The following DNAH9 variants were observed in gnomAD, a reference collection of about 807,000 sequenced individuals.
DNAH9 encodes dynein axonemal heavy chain 9, also known as DNAH9 variant protein.
DNAH9 carries 345 observed loss-of-function variants against 471.6 expected under a neutral mutation model. That is an observed-to-expected ratio of 0.73 (90% CI 0.67 to 0.80). The LOEUF is 0.80. Among genes scored for constraint, DNAH9 ranks in the 30% least tolerant of loss-of-function variants. The pLI, the probability that DNAH9 is intolerant of heterozygous loss-of-function variation, is 0.00. For missense variants in DNAH9, 5,407 were observed against 5,609.2 expected, an observed-to-expected ratio of 0.96 and a Z score of 1.15; for synonymous variants, 2,093 against 2,123.6, an observed-to-expected ratio of 0.99 and a Z score of 0.40.
chr17:11,826,457 T>A (rs1452587214), intron 48 of DNAH9, among the ~76,000 whole-genome samples: 3 of 16,908 alleles, frequency 1.8e-4, no homozygotes, highest in African/African-American at 9.4e-4. Flanking sequence ...TTTTCTTGGT[T>A]TTTTTTTTTT....
intron 53 of DNAH9, chr17:11,875,651 C>T (rs1972447701): frequency 6.4e-6 from 1 of 156,552 alleles, no homozygotes; most frequent in African/African-American, 2.4e-5. Context: ...TTCAGTAGGT[C>T]CCATGAAGCA....
Position 11,923,899 on chromosome 17 carries a change from G to A in DNAH9, c.11835G>A (p.Ala3945=), listed in dbSNP as rs144422539. Reference sequence around the variant, plus strand: ...GACAGGAAGTGGTGGCTGAGGCTGCGCTGGACCTCGCTGCCAAGAAAGGTC... The same window carrying A: ...GACAGGAAGTGGTGGCTGAGGCTGCACTGGACCTCGCTGCCAAGAAAGGTC... ...GQGQEVVAEA[A]LDLAAKKGHW... The change falls in exon 62 of 69, where the codon GCG becomes GCA. Residue 3945 remains alanine (A), a synonymous_variant. Transcript: ENST00000262442. The A allele has an allele frequency of 4.6e-4, 737 of 1,613,984 alleles. No individual in the cohort carries two copies. The highest frequency in any genetic ancestry group is 5.5e-4 in the Non-Finnish European group (651 of 1,179,952).
chr17:11,921,801 T>C (rs1309696763), intron 61 of DNAH9, among the ~76,000 whole-genome samples: 1 of 152,194 alleles, frequency 6.6e-6, no homozygotes. Context: ...CAAGCCCAGA[T>C]TAATGCAGAC....
chr17:11,825,764 T>A (rs894667770), intron 48 of DNAH9, among the ~76,000 whole-genome samples: 1 of 152,174 alleles, frequency 6.6e-6, no homozygotes, highest in Non-Finnish European at 1.5e-5. Context: ...AATGCAGGCA[T>A]GCTAAAAAGA....
chr17:11,949,912 A>T (rs1362929684), intron 67 of DNAH9, among the ~76,000 whole-genome samples: 2 of 152,272 alleles, frequency 1.3e-5, no homozygotes, highest in East Asian at 3.9e-4. Flanking sequence ...AGTATGTGTA[A>T]AATTATTGTC....
chr17:11,793,661 T>C lies in DNAH9; in HGVS notation c.8220T>C (p.Phe2740=). 1.2e-6 allele frequency: 2 copies of C among 1,609,230 alleles called. No individual in the cohort carries two copies. The highest frequency in any genetic ancestry group is 1.7e-5 in the Admixed American group (1 of 59,360). ...KIQTEVLKKT[F]DDIEDPVEQT... ...AGACAGAAGTGCTCAAGAAAACTTTTGATGTGAGTATTGCCCTATGGATTT... is the reference window on the plus strand; with the variant it reads ...AGACAGAAGTGCTCAAGAAAACTTTCGATGTGAGTATTGCCCTATGGATTT... The change falls in exon 42 of 69, where the codon TTT becomes TTC. Residue 2740 remains phenylalanine (F), a synonymous_variant. Coordinates refer to ENST00000262442, the MANE Select transcript of DNAH9 (RefSeq NM_001372.4).
rs759897787 is a variant in DNAH9, at chr17:11,727,801, T to G, written c.5710-17T>G. ...CCTGGCCCGTTGGTAATTTAATCTT[T>G]GTGCATTTTCTTGCAGTCTTGTGGC... On this transcript the variant is annotated splice_polypyrimidine_tract_variant and intron_variant, in intron 27 of 68. Transcript: ENST00000262442. 5.1e-6 allele frequency: 8 copies of G among 1,577,548 alleles called. No individual in the cohort carries two copies. The South Asian group carries it at 7.7e-5, about 15-fold the overall frequency.
At chr17:11,774,520 G>A (rs367881178) in intron 38 of DNAH9, among the ~76,000 whole-genome samples, 16 of 152,246 alleles carry the variant, frequency 1.1e-4, no homozygotes, top group Admixed American at 2.0e-4. Flanking sequence ...AGGCAAGAGC[G>A]TGTGTGTGGG....
chr17:11,691,161 G>T (rs929841750), intron 20 of DNAH9, among the ~76,000 whole-genome samples: 1 of 152,136 alleles, frequency 6.6e-6, no homozygotes, highest in African/African-American at 2.4e-5. Flanking sequence ...AGCACGTTCT[G>T]CCCAAACATA....
chr17:11,773,176 A>C (rs1239993685), intron 38 of DNAH9, among the ~76,000 whole-genome samples: 2 of 152,228 alleles, frequency 1.3e-5, no homozygotes, highest in African/African-American at 4.8e-5. Context: ...TGAACCCGTT[A>C]ACTCATTTTG....
intron 8 of DNAH9, among the ~76,000 whole-genome samples, chr17:11,634,813 A>G (rs571524006): frequency 6.6e-6 from 1 of 152,314 alleles, no homozygotes; most frequent in African/African-American, 2.4e-5. Flanking sequence ...GTCATTCTGC[A>G]TAACATGGCC....
intron 49 of DNAH9, among the ~76,000 whole-genome samples, chr17:11,843,412 G>T (rs1971096660): frequency 1.3e-5 from 2 of 152,182 alleles, no homozygotes; most frequent in Non-Finnish European, 2.9e-5. Context: ...GAAATTTGTT[G>T]AAACTGTGAA....
intron 44 of DNAH9, among the ~76,000 whole-genome samples, chr17:11,808,450 G>A (rs1052909340): frequency 3.3e-5 from 5 of 152,066 alleles, no homozygotes; most frequent in Admixed American, 6.6e-5. Context: ...AGGAAGTCAC[G>A]GTGTAACTTC....
chr17:11,807,755 A>G lies in DNAH9; in HGVS notation c.8444A>G (p.Glu2815Gly). The change falls in exon 44 of 69, where the codon GAG becomes GGG. Residue 2815 changes from glutamate to glycine, a missense_variant. This residue lies in a region of DNAH9 where 4,636 missense variants were observed against 4,900.3 expected (regional missense o/e 0.95). Transcript: ENST00000262442. ...AGCTGCCATATCAATCGCATCTTGG[A>G]GTCCCCGCGGGGAAATGCTCTGCTG... is the stretch of plus-strand genomic sequence containing the variant. ...RHVCHINRILESPRGNALLVG... is the reference protein window; with the variant it reads ...RHVCHINRILGSPRGNALLVG... 1 of 1,610,624 alleles carries G rather than the reference A, an allele frequency of 6.2e-7. No homozygotes were observed. The highest frequency in any genetic ancestry group is 8.5e-7 in the Non-Finnish European group (1 of 1,177,260).
In DNAH9 at chr17:11,834,876, C is replaced by T; in HGVS notation, c.9485C>T (p.Ala3162Val). 6.2e-7 allele frequency: 1 copy of T among 1,613,238 alleles called. No individual in the cohort carries two copies. The highest frequency in any genetic ancestry group is 8.5e-7 in the Non-Finnish European group (1 of 1,179,798). Residue 3162 changes from alanine to valine, a missense_variant, in exon 49 of 69, where the codon GCA becomes GTA. By Grantham distance (64) the Ala-to-Val change is moderately conservative. This residue lies in a region of DNAH9 where 4,636 missense variants were observed against 4,900.3 expected (regional missense o/e 0.95). Transcript: ENST00000262442. ...KAEPALTAAQ[A>V]ALNTLNKTNL... is the part of the protein sequence containing the mutation. ...GAGCCAGCACTCACAGCAGCGCAGG[C>T]AGCTCTCAACACCCTGAACAAGGTA...
Position 11,875,121 on chromosome 17 carries a change from G to T in DNAH9, c.10415G>T (p.Gly3472Val). The change falls in exon 53 of 69, where the codon GGC becomes GTC. Residue 3472 changes from glycine to valine, a missense_variant. Physicochemically the swap from Gly to Val is moderately radical, Grantham distance 109. Around this residue, in one of 3 missense-constraint regions of DNAH9, gnomAD observed 4,636 missense variants for 4,900.3 expected, o/e 0.95. Transcript: ENST00000262442. Reference protein sequence around the residue: ...WPLMVDPQLQGIKWIKNKYGE... With the variant: ...WPLMVDPQLQVIKWIKNKYGE... ...CTCATGGTTGACCCTCAGCTACAAG[G>T]CATCAAATGGATCAAGAATAAATAT... 6.2e-7 allele frequency: 1 copy of T among 1,614,114 alleles called. No homozygotes were observed. The highest frequency in any genetic ancestry group is 8.5e-7 in the Non-Finnish European group (1 of 1,180,020).
chr17:11,917,274 A>G (rs909214260), intron 61 of DNAH9, among the ~76,000 whole-genome samples: 1 of 152,198 alleles, frequency 6.6e-6, no homozygotes, highest in Admixed American at 6.5e-5. Flanking sequence ...CTCCTGCCTC[A>G]GCCTCCCGAG....
chr17:11,704,987 C>T, intron 25 of DNAH9, 38 bp from the exon 26 acceptor site: 1 of 1,595,804 alleles, frequency 6.3e-7, no homozygotes, highest in Non-Finnish European at 8.6e-7. Context: ...TACCTGCTGC[C>T]TATGATTCAC....
intron 60 of DNAH9, 112 bp downstream of exon 60, chr17:11,903,024 G>A: frequency 8.4e-7 from 1 of 1,185,618 alleles, no homozygotes; most frequent in Non-Finnish European, 1.2e-6. Context: ...GTAGTTTCCT[G>A]GAGCTAGAGG....
Sources: gnomAD v4.1 joint callset for allele counts (sites outside exome capture counted in the v4.1 genomes callset) on GRCh38, gnomAD v4.1.1 for gene constraint, gnomAD v4.1.1 regional missense constraint, MANE v1.5 for transcripts, NCBI Gene and HGNC (gene_info 2026-07-23, HGNC 2026-07-21) for gene names.